LRP1B: variants seen among roughly 807,000 people sequenced by gnomAD.
LRP1B encodes LDL receptor related protein 1B, also known as low-density lipoprotein receptor-related protein 1B.
A neutral mutation model predicts 556.6 loss-of-function variants in LRP1B; 217 were observed. The ratio of observed to expected loss-of-function variants is 0.39; its 90% CI spans 0.35 to 0.44. The LOEUF (loss-of-function observed/expected upper bound fraction) is 0.44, where lower values mean the gene tolerates loss of function less well. Ranked by LOEUF, LRP1B falls within the 20% of genes least tolerant of loss-of-function variation. The pLI, the probability that LRP1B is intolerant of heterozygous loss-of-function variation, is 1.00. For missense variants in LRP1B, 5,053 were observed against 5,620.8 expected, an observed-to-expected ratio of 0.90 and a Z score of 3.23; for synonymous variants, 2,047 against 1,865.8, an observed-to-expected ratio of 1.10 and a Z score of -2.50.
At chr2:141,275,962 T>C (rs1685269347) in intron 3 of LRP1B, among the ~76,000 whole-genome samples, 1 of 152,116 alleles carries the variant, frequency 6.6e-6, no homozygotes, top group Non-Finnish European at 1.5e-5. Flanking sequence ...TCAAAACTGA[T>C]TAAGTTAAAA....
At chr2:140,375,284 TTTG>T (rs552525822) in intron 68 of LRP1B, among the ~76,000 whole-genome samples, 67 of 151,890 alleles carry the variant, frequency 4.4e-4, no homozygotes, top group African/African-American at 1.6e-3. Context: ...TTTAAGTAAG[TTTG>T]TTGTTGTGCA....
intron 1 of LRP1B, among the ~76,000 whole-genome samples, chr2:142,013,557 T>C (rs973258085): frequency 6.6e-6 from 1 of 151,954 alleles, no homozygotes; most frequent in East Asian, 1.9e-4. Flanking sequence ...AATATATCTA[T>C]TCTACAGAAA....
In LRP1B at chr2:140,516,945, G is replaced by A. The variant is rs1689931482; in HGVS notation, c.8093C>T (p.Thr2698Ile). 10 of 1,610,942 alleles carry A rather than the reference G, an allele frequency of 6.2e-6. No homozygotes were observed. The highest frequency in any genetic ancestry group is 1.1e-5 in the South Asian group (1 of 91,024). The change falls in exon 50 of 91, where the codon ACC becomes ATC. Residue 2698 changes from threonine (T) to isoleucine (I), a missense_variant. Thr to Ile is a moderately conservative substitution (Grantham distance 89). Around this residue, in one of 5 missense-constraint regions of LRP1B, gnomAD observed 3,619 missense variants for 3,931.9 expected, o/e 0.92. Transcript: ENST00000389484. ...ATCTTTCTGACCATCGCATATCCAGGTATTCAAAATGCATCTTCCACTAGG... is the reference window on the plus strand; with the variant it reads ...ATCTTTCTGACCATCGCATATCCAGATATTCAAAATGCATCTTCCACTAGG... ...SCPSGRCILNTWICDGQKDCE... is the reference protein window; with the variant it reads ...SCPSGRCILNIWICDGQKDCE...
chr2:140,431,217 G>C (rs7593984), intron 66 of LRP1B, among the ~76,000 whole-genome samples: 51,482 of 151,912 alleles, frequency 0.34, 9,392 homozygotes, highest in African/African-American at 0.42. Flanking sequence ...GACTAATGAT[G>C]TTTTAAAAAC....
intron 6 of LRP1B, among the ~76,000 whole-genome samples, chr2:141,224,319 T>C (rs1450217110): frequency 6.6e-6 from 1 of 152,042 alleles, no homozygotes; most frequent in African/African-American, 2.4e-5. Flanking sequence ...GTCAGAATAG[T>C]GATTATCAAA....
chr2:140,264,413 G>C (rs192320370), intron 86 of LRP1B, among the ~76,000 whole-genome samples: 5 of 152,132 alleles, frequency 3.3e-5, no homozygotes, highest in Admixed American at 2.0e-4. Context: ...ATTTTTAGTG[G>C]GGATGGGGTT....
intron 1 of LRP1B, among the ~76,000 whole-genome samples, chr2:141,907,592 T>C (rs183355459): frequency 8.5e-5 from 13 of 152,106 alleles, no homozygotes; most frequent in Admixed American, 4.6e-4. Context: ...CGACCTTTAA[T>C]GTCACCTAAG....
chr2:141,597,411 G>A (rs1687563009), intron 2 of LRP1B, among the ~76,000 whole-genome samples: 1 of 151,926 alleles, frequency 6.6e-6, no homozygotes, highest in Non-Finnish European at 1.5e-5. Flanking sequence ...ACCCTTCAGT[G>A]GCCTTCCCAG....
rs1272506988 is a variant in LRP1B, at chr2:141,475,591, T to C, written c.343+4805A>G. On this transcript the variant is annotated intron_variant, in intron 3 of 90. Transcript: ENST00000389484. ...AGGCATTCCTGTCTTCACACCCAGA[T>C]GTTGACCTTTGGCCTGCCACACCCC... is the stretch of plus-strand genomic sequence containing the variant. Among the ~76,000 whole-genome samples the C allele has an allele frequency of 2.6e-5, 4 of 152,084 alleles. No individual in the cohort carries two copies. The East Asian group carries it at 7.8e-4, about 30-fold the overall frequency.
chr2:140,397,858 C>T (rs1038039942), intron 66 of LRP1B, among the ~76,000 whole-genome samples: 13 of 152,142 alleles, frequency 8.5e-5, no homozygotes, highest in South Asian at 4.1e-4. Context: ...ACATTCACCA[C>T]ATTTTTGTAT....
rs774404079 is a variant in LRP1B at position 141,229,460 on chromosome 2, G to A, written c.593-20C>T. ...TAGGTTCTGGAATAAAATAGAAAAA[G>A]AGAAGTAAATTCAGTAAGAGTCAAG... On this transcript the variant is annotated intron_variant, in intron 5 of 90. Transcript: ENST00000389484. 6 of 1,489,934 alleles carry A rather than the reference G, an allele frequency of 4.0e-6. No individual in the cohort carries two copies. The highest frequency in any genetic ancestry group is 3.7e-5 in the South Asian group (3 of 82,090). The allele number at this position is 1,489,934 out of a possible 1,614,324, so 92.3% of individuals were successfully genotyped here.
intron 43 of LRP1B, among the ~76,000 whole-genome samples, chr2:140,584,209 G>A (rs965931000): frequency 3.9e-5 from 6 of 151,908 alleles, no homozygotes; most frequent in Non-Finnish European, 8.8e-5. Flanking sequence ...GAAATTCAGA[G>A]AAGAGAAAAA....
rs1426662410 is a variant in LRP1B at position 140,231,445 on chromosome 2, A to C, written c.*1741T>G. The stretch of plus-strand genomic sequence containing the variant: ...CTCTTAAATATGTAGAATTTCATTT[A>C]AATAAGTCAGTCAACAATTTTTTAT... On this transcript the variant is annotated 3_prime_UTR_variant, in exon 91 of 91. Transcript: ENST00000389484. The C allele has an allele frequency of 6.6e-6, 1 of 151,812 alleles. No homozygotes were observed. Among genetic ancestry groups the C allele is most frequent in the Non-Finnish European group, 1.5e-5 (1 of 67,604 alleles). 9.4% of individuals were successfully genotyped at this position (151,812 alleles called of 1,614,324 possible).
chr2:141,139,654 A>C (rs1333339746), intron 7 of LRP1B, among the ~76,000 whole-genome samples: 3 of 152,010 alleles, frequency 2.0e-5, no homozygotes, highest in African/African-American at 7.2e-5. Flanking sequence ...ATACAATTAC[A>C]TATCTATTAG....
At chr2:141,600,006 GT>G (rs1687669370) in intron 2 of LRP1B, among the ~76,000 whole-genome samples, 2 of 152,146 alleles carry the variant, frequency 1.3e-5, no homozygotes, top group Admixed American at 6.5e-5. Context: ...CTTAGTGGCA[GT>G]TTTCTCATTC....
intron 1 of LRP1B, among the ~76,000 whole-genome samples, chr2:141,954,965 G>T (rs190809666): frequency 2.0e-5 from 3 of 152,192 alleles, no homozygotes; most frequent in East Asian, 1.9e-4. Flanking sequence ...ATGATCGTCG[G>T]TGTTCCCATT....
intron 3 of LRP1B, among the ~76,000 whole-genome samples, chr2:141,307,588 T>A (rs115535360): frequency 2.6e-5 from 4 of 152,126 alleles, no homozygotes; most frequent in African/African-American, 7.2e-5. Context: ...TTCTTTTCAG[T>A]GGAAAGTTTA....
chr2:140,963,613 C>T (rs1226346178), intron 18 of LRP1B, among the ~76,000 whole-genome samples: 1 of 152,000 alleles, frequency 6.6e-6, no homozygotes, highest in Non-Finnish European at 1.5e-5. Context: ...CCAGTTAGCT[C>T]CTTCCTACCA....
At chr2:141,937,378 C>T (rs1020687212) in intron 1 of LRP1B, among the ~76,000 whole-genome samples, 2 of 150,468 alleles carry the variant, frequency 1.3e-5, no homozygotes, top group East Asian at 1.9e-4. Context: ...GAGCGAGACT[C>T]CATCTCAAAA....
Sources: allele counts gnomAD v4.1 joint callset (sites outside exome capture counted in the v4.1 genomes callset), GRCh38; gene constraint gnomAD v4.1.1; regional missense constraint gnomAD v4.1.1; transcripts MANE v1.5; gene names NCBI Gene and HGNC (gene_info 2026-07-23, HGNC 2026-07-21).